The following ADRA1A variants were observed in gnomAD, a reference collection of about 807,000 sequenced individuals.
ADRA1A encodes adrenoceptor alpha 1A.
ADRA1A carries 31 observed loss-of-function variants against 29.6 expected under a neutral mutation model. The observed-to-expected ratio is 1.05, with a 90% CI of 0.79 to 1.41. The LOEUF (loss-of-function observed/expected upper bound fraction) is 1.41, where lower values mean the gene tolerates loss of function less well. Among genes scored for constraint, ADRA1A ranks in the 40% most tolerant of loss-of-function variants. The pLI is 0.00. For missense variants in ADRA1A, 619 were observed against 601.1 expected (o/e 1.03, Z -0.31); for synonymous variants, 311 against 254.3 (o/e 1.22, Z -2.12).
chr8:26,763,420 G>A (rs1585635694), downstream of ADRA1A, among the ~76,000 whole-genome samples: 1 of 152,180 alleles, frequency 6.6e-6, no homozygotes, highest in African/African-American at 2.4e-5. This position sits in a 1 kb window ranked among gnomAD's most constrained non-coding sequence, Gnocchi z 4.5. Flanking sequence ...ATGAGGTGAG[G>A]AGCTGAATGA....
At chr8:26,792,935 TCA>T (rs778340595) in intron 2 of ADRA1A, among the ~76,000 whole-genome samples, 3 of 151,590 alleles carry the variant, frequency 2.0e-5, no homozygotes, top group Non-Finnish European at 4.4e-5. Context: ...ATAAAGCCTC[TCA>T]CACTGAATTA....
At chr8:26,857,163 G>T (rs1454078243) in intron 2 of ADRA1A, among the ~76,000 whole-genome samples, 1 of 152,108 alleles carries the variant, frequency 6.6e-6, no homozygotes, top group Non-Finnish European at 1.5e-5. Context: ...TGACTTTCTT[G>T]GGGGAGAGCT....
intron 2 of ADRA1A, among the ~76,000 whole-genome samples, chr8:26,781,016 G>T (rs1352310421): frequency 3.3e-5 from 5 of 152,182 alleles, no homozygotes; most frequent in Non-Finnish European, 7.4e-5. Flanking sequence ...TAGAAATAAA[G>T]TGCACAATAA....
chr8:26,812,657 A>G (rs538185058), intron 2 of ADRA1A, among the ~76,000 whole-genome samples: 1 of 123,966 alleles, frequency 8.1e-6, no homozygotes, highest in Non-Finnish European at 1.7e-5. Context: ...TTATTTATTT[A>G]TTTTCTTTAT....
chr8:26,779,152 C>T (rs1806768384), intron 2 of ADRA1A: 1 of 592,966 alleles, frequency 1.7e-6, no homozygotes, highest in African/African-American at 1.9e-5. Context: ...GATATGCTTT[C>T]CAATGGTAGG....
intron 2 of ADRA1A, among the ~76,000 whole-genome samples, chr8:26,845,556 A>T (rs1201378946): frequency 1.3e-5 from 2 of 152,212 alleles, no homozygotes; most frequent in Admixed American, 1.3e-4. Context: ...TAGAAGTTCC[A>T]TATGGCCGAG....
At chr8:26,855,217 A>ATGTGTGTATG (rs1554513296) in intron 2 of ADRA1A, among the ~76,000 whole-genome samples, 1 of 133,242 alleles carries the variant, frequency 7.5e-6, no homozygotes, top group African/African-American at 3.5e-5. Context: ...GTGTGCATGC[A>ATGTGTGTATG]TGTGTGTGTG....
intron 2 of ADRA1A, among the ~76,000 whole-genome samples, chr8:26,778,013 C>T (rs1806679027): frequency 6.6e-6 from 1 of 152,232 alleles, no homozygotes; most frequent in Non-Finnish European, 1.5e-5. Context: ...CTGCAAGTGG[C>T]AGCTAAAGTT....
exon 3 of ADRA1A, chr8:26,756,684 C>T (rs375256897): frequency 5.2e-4 from 836 of 1,612,714 alleles, no homozygotes; most frequent in Middle Eastern, 1.2e-3. Context: ...GACAGTGGGT[C>T]GCAGGACCAG....
chr8:26,809,549 A>G (rs7817265), intron 2 of ADRA1A, among the ~76,000 whole-genome samples: 24,640 of 152,284 alleles, frequency 0.16, 2,362 homozygotes, highest in East Asian at 0.47. Flanking sequence ...TTGTCTTACA[A>G]CTTTATTGGA....
At chr8:26,849,422 C>A (rs1428947314) in intron 2 of ADRA1A, among the ~76,000 whole-genome samples, 1 of 152,254 alleles carries the variant, frequency 6.6e-6, no homozygotes, top group African/African-American at 2.4e-5. Context: ...CCCAGGCGGT[C>A]AGTCATGCCA....
intron 2 of ADRA1A, among the ~76,000 whole-genome samples, chr8:26,842,811 T>C (rs565462011): frequency 6.6e-6 from 1 of 151,848 alleles, no homozygotes; most frequent in Non-Finnish European, 1.5e-5. Context: ...TGGATAATAA[T>C]ATTGTCCCAC....
chr8:26,838,371 G>A (rs980045091), intron 2 of ADRA1A, among the ~76,000 whole-genome samples: 3 of 152,160 alleles, frequency 2.0e-5, no homozygotes, highest in Admixed American at 6.5e-5. Context: ...GTGATGAGTA[G>A]AAAATCCAGA....
chr8:26,852,997 G>T (rs1812746025), intron 2 of ADRA1A, among the ~76,000 whole-genome samples: 1 of 151,902 alleles, frequency 6.6e-6, no homozygotes, highest in Admixed American at 6.6e-5. Context: ...TACATGGAAA[G>T]GTTAATAATA....
At position 26,775,812 on chromosome 8, in the gene ADRA1A, GT is replaced by G. The variant is rs927993008; in HGVS notation, c.884-5147del. On this transcript the variant is annotated intron_variant, in intron 2 of 2. Transcript: ENST00000380573. This position sits in a 1 kb window ranked among gnomAD's most constrained non-coding sequence, Gnocchi z 4.1. ...TCAGACTGAGGTGGATAGAACAGGA[GT>G]TTATGGCCAAACACCATCAACATTC... Among the ~76,000 whole-genome samples the G allele has an allele frequency of 7.2e-5, 11 of 152,280 alleles. No individual in the cohort carries two copies. Among genetic ancestry groups the G allele is most frequent in the African/African-American group, 2.6e-4 (11 of 41,546 alleles).
intron 2 of ADRA1A, chr8:26,748,879 T>C (rs1256268317): frequency 2.9e-6 from 1 of 340,928 alleles, no homozygotes; most frequent in Non-Finnish European, 5.6e-6. Flanking sequence ...ACCTGGCCAA[T>C]GTCTTGGCAC....
rs1233469435 is a variant in ADRA1A at position 26,770,144 on chromosome 8, C to T, written c.*5G>A. 1 of 1,531,774 alleles carries T rather than the reference C, an allele frequency of 6.5e-7. No individual in the cohort carries two copies. The highest frequency in any genetic ancestry group is 8.8e-7 in the Non-Finnish European group (1 of 1,140,326). 94.9% of individuals were successfully genotyped at this position (1,531,774 alleles called of 1,614,324 possible). A position where few individuals can be genotyped will look rare whatever the true frequency, so the allele number is the denominator to read the frequency against. On this transcript the variant is annotated 3_prime_UTR_variant, in exon 3 of 3. Transcript: ENST00000380573. The stretch of plus-strand genomic sequence containing the variant: ...TATTCCCCTTTCCTCTGCATCTTTC[C>T]TGTCCTAGACTTCCTCCCCGTTCTC...
chr8:26,756,565 A>G (rs1483001589), exon 3 of ADRA1A: 2 of 1,548,092 alleles, frequency 1.3e-6, no homozygotes, highest in Non-Finnish European at 1.7e-6. Flanking sequence ...TTTTTCCTGT[A>G]TCAGTAACAG....
intron 2 of ADRA1A, among the ~76,000 whole-genome samples, chr8:26,838,601 C>T (rs114663644): frequency 0.015 from 2,227 of 152,286 alleles, 59 homozygotes; most frequent in African/African-American, 0.051. Context: ...ATCACCTAAG[C>T]CACTTTCATC....
Sources: allele counts gnomAD v4.1 joint callset (sites outside exome capture counted in the v4.1 genomes callset), GRCh38; gene constraint gnomAD v4.1.1; non-coding constraint Gnocchi (gnomAD v3.1); transcripts MANE v1.5; gene names NCBI Gene and HGNC (gene_info 2026-07-23, HGNC 2026-07-21).